NRG2: variants seen among roughly 807,000 people sequenced by gnomAD.
NRG2 encodes pro-neuregulin-2, membrane-bound isoform.
In NRG2, 27 loss-of-function variants were observed where a neutral mutation model predicts 73.9. That is an observed-to-expected ratio of 0.37 (90% CI 0.27 to 0.50). The LOEUF (loss-of-function observed/expected upper bound fraction) is 0.50. NRG2 is among the 20% of genes least tolerant of loss of function. The pLI is 0.96. For synonymous variants in NRG2, 532 were observed against 541.0 expected, an observed-to-expected ratio of 0.98 and a Z score of 0.23; for missense variants, 1,126 against 1,210.1, an observed-to-expected ratio of 0.93 and a Z score of 1.03.
At chr5:139,944,402 C>G (rs1277802403) in intron 1 of NRG2, among the ~76,000 whole-genome samples, 1 of 152,108 alleles carries the variant, frequency 6.6e-6, no homozygotes. Context: ...TCTGTCTATC[C>G]TTCCTTCCCT....
At chr5:139,871,211 C>T (rs910084628) in intron 4 of NRG2, 1 of 159,350 alleles carries the variant, frequency 6.3e-6, no homozygotes, top group Admixed American at 5.8e-5. Flanking sequence ...GACCCCTCTT[C>T]TCCCCTCAAG....
Position 140,042,357 on chromosome 5 carries a change from G to T in NRG2, c.700+13C>A. 7 of 1,510,900 alleles carry T rather than the reference G, an allele frequency of 4.6e-6. No homozygotes were observed. Among genetic ancestry groups the T allele is most frequent in the Non-Finnish European group, 4.5e-6 (5 of 1,118,530 alleles). The allele number at this position is 1,510,900 out of a possible 1,614,324, so 93.6% of individuals were successfully genotyped here. The stretch of plus-strand genomic sequence containing the variant: ...CTCCCCCCTTTCTCCAGCAAAGGGA[G>T]GGGGCGACTCACCGCAGTCAGTGCA... On this transcript the variant is annotated intron_variant, in intron 1 of 9. Transcript: ENST00000361474.
chr5:139,859,775 A>G, intron 5 of NRG2: 1 of 1,090,146 alleles, frequency 9.2e-7, no homozygotes, highest in Non-Finnish European at 1.4e-6. Context: ...GATTTTTGGA[A>G]TCATCCCTTT....
chr5:139,857,001 G>T (rs984608542), intron 5 of NRG2, among the ~76,000 whole-genome samples: 25 of 152,296 alleles, frequency 1.6e-4, no homozygotes, highest in Non-Finnish European at 2.5e-4. Flanking sequence ...ATCCAGTTCA[G>T]CCAGGCATGT....
intron 1 of NRG2, among the ~76,000 whole-genome samples, chr5:140,032,450 G>A (rs1298229658): frequency 6.6e-6 from 1 of 152,140 alleles, no homozygotes; most frequent in Non-Finnish European, 1.5e-5. Context: ...TGACCAAGAA[G>A]CAAAATTCCG....
chr5:139,984,499 T>C (rs1757023773), intron 1 of NRG2, among the ~76,000 whole-genome samples: 1 of 152,244 alleles, frequency 6.6e-6, no homozygotes, highest in Admixed American at 6.5e-5. Flanking sequence ...TTTTAGTATA[T>C]GTGCTGCCAA....
intron 1 of NRG2, among the ~76,000 whole-genome samples, chr5:139,947,860 G>A (rs1753911904): frequency 6.6e-6 from 1 of 152,194 alleles, no homozygotes; most frequent in Non-Finnish European, 1.5e-5. Flanking sequence ...CTCTGGAGAA[G>A]TGCCTGTTTA....
intron 1 of NRG2, among the ~76,000 whole-genome samples, chr5:139,948,264 T>G (rs1323099394): frequency 6.6e-6 from 1 of 152,202 alleles, no homozygotes; most frequent in Non-Finnish European, 1.5e-5. Context: ...CGAATACTCT[T>G]CGTAGTCAGA....
chr5:140,021,534 A>G (rs1270002944), intron 1 of NRG2, among the ~76,000 whole-genome samples: 1 of 152,214 alleles, frequency 6.6e-6, no homozygotes, highest in Non-Finnish European at 1.5e-5. Context: ...AGAGAGAGCA[A>G]TCTCAGCACG....
At chr5:140,031,035 A>G (rs543420452) in intron 1 of NRG2, among the ~76,000 whole-genome samples, 129 of 152,332 alleles carry the variant, frequency 8.5e-4, no homozygotes, top group Middle Eastern at 3.4e-3. Context: ...AGGGAAACTC[A>G]GCCAGATTTA....
At chr5:139,946,129 G>T (rs1420967502) in intron 1 of NRG2, among the ~76,000 whole-genome samples, 1 of 151,990 alleles carries the variant, frequency 6.6e-6, no homozygotes, top group Non-Finnish European at 1.5e-5. Context: ...TAAAATTCAA[G>T]CTGACAAGGT....
At position 139,942,584 on chromosome 5, in the gene NRG2, T is replaced by C. The variant is rs146120724; in HGVS notation, c.701-55073A>G. Among the ~76,000 whole-genome samples the C allele has an allele frequency of 4.0e-3, 614 of 152,330 alleles. 3 individuals carry two copies. Among genetic ancestry groups the C allele is most frequent in the African/African-American group, 0.015 (603 of 41,582 alleles). On this transcript the variant is annotated intron_variant, in intron 1 of 9. Coordinates refer to ENST00000361474, the MANE Select transcript of NRG2 (RefSeq NM_004883.3). ...TCAAATAAACAATAATAAATGGTCA[T>C]TATTGTTAACATCTGTCAACTCATC...
chr5:139,962,476 T>G (rs1387431662), intron 1 of NRG2, among the ~76,000 whole-genome samples: 1 of 152,134 alleles, frequency 6.6e-6, no homozygotes, highest in African/African-American at 2.4e-5. Context: ...GGAAATGGTT[T>G]GGCATCTCTA....
intron 1 of NRG2, among the ~76,000 whole-genome samples, chr5:140,015,285 T>C (rs1759680349): frequency 6.6e-6 from 1 of 152,170 alleles, no homozygotes; most frequent in African/African-American, 2.4e-5. Context: ...TTCTCAATAT[T>C]CCAAGCACCT....
chr5:139,859,545 G>T, intron 5 of NRG2, among the ~76,000 whole-genome samples: 1 of 152,132 alleles, frequency 6.6e-6, no homozygotes, highest in East Asian at 1.9e-4. Flanking sequence ...CACACATGGG[G>T]CCTATCTCTT....
At chr5:140,009,077 C>T (rs1353846559) in intron 1 of NRG2, among the ~76,000 whole-genome samples, 1 of 152,158 alleles carries the variant, frequency 6.6e-6, no homozygotes, top group Non-Finnish European at 1.5e-5. Flanking sequence ...CTATGCTTTC[C>T]CTAAAAGATC....
rs73791260 is a variant in NRG2, at chr5:139,982,233, C to T, written c.700+60137G>A. On this transcript the variant is annotated intron_variant, in intron 1 of 9. Transcript: ENST00000361474. The stretch of plus-strand genomic sequence containing the variant: ...CAATCTACAATCTGTCTTCCTCCCC[C>T]GATCTGCTCCTGCACTCCCAACCAC... Among the ~76,000 whole-genome samples, 639 of 152,274 alleles carry T rather than the reference C, an allele frequency of 4.2e-3. 2 individuals carry two copies. The highest frequency in any genetic ancestry group is 0.015 in the African/African-American group (617 of 41,542).
intron 1 of NRG2, among the ~76,000 whole-genome samples, chr5:139,899,715 C>T (rs1327598070): frequency 6.6e-6 from 1 of 152,166 alleles, no homozygotes; most frequent in Non-Finnish European, 1.5e-5. Context: ...CCCAAGAGCC[C>T]AGGAAGTAGA....
At chr5:139,881,091 T>C (rs1763502246) in intron 2 of NRG2, 117 bp from the exon 3 acceptor site, 1 of 762,774 alleles carries the variant, frequency 1.3e-6, no homozygotes, top group Non-Finnish European at 2.2e-6. Flanking sequence ...GCAGCTTAGA[T>C]GGGAAGGAGA....
Sources: allele counts gnomAD v4.1 joint callset (sites outside exome capture counted in the v4.1 genomes callset), GRCh38; gene constraint gnomAD v4.1.1; transcripts MANE v1.5; gene names NCBI Gene and HGNC (gene_info 2026-07-23, HGNC 2026-07-21).